The following MAJIN variants were observed in gnomAD, a reference collection of about 807,000 sequenced individuals.
MAJIN encodes membrane-anchored junction protein.
A neutral mutation model predicts 30.2 loss-of-function variants in MAJIN; 27 were observed. The ratio of observed to expected loss-of-function variants is 0.89; its 90% CI spans 0.66 to 1.23. The LOEUF is 1.23. MAJIN is among the 50% of genes most tolerant of loss of function. The pLI, the probability that MAJIN is intolerant of heterozygous loss-of-function variation, is 0.00. For missense variants in MAJIN, 253 were observed against 260.3 expected, an observed-to-expected ratio of 0.97 and a Z score of 0.19; for synonymous variants, 78 against 91.6, an observed-to-expected ratio of 0.85 and a Z score of 0.85.
chr11:64,940,520 C>T, intron 9 of MAJIN, 54 bp downstream of exon 9: 1 of 1,557,274 alleles, frequency 6.4e-7, no homozygotes. Context: ...CAGAGAACTA[C>T]AAGGGAAAGG....
chr11:64,960,040 T>C (rs1429882180), intron 2 of MAJIN, 49 bp downstream of exon 2: 3 of 152,304 alleles, frequency 2.0e-5, no homozygotes, highest in African/African-American at 7.2e-5. Flanking sequence ...CCCCCACTTG[T>C]GAGGCTTCCC....
At chr11:64,967,946 T>C (rs1390383957) in intron 1 of MAJIN, among the ~76,000 whole-genome samples, 1 of 152,180 alleles carries the variant, frequency 6.6e-6, no homozygotes, top group African/African-American at 2.4e-5. Flanking sequence ...CTGCTTTAGC[T>C]AGTATGGCCA....
At chr11:64,940,826 TTTTTCTTTC>T (rs1945363744) in intron 8 of MAJIN, among the ~76,000 whole-genome samples, 180 bp from the exon 9 acceptor site, 2 of 126,518 alleles carry the variant, frequency 1.6e-5, no homozygotes, top group Admixed American at 8.9e-5. Flanking sequence ...TTCTTTTCTT[TTTTTCTTTC>T]TTTTTTTTTT....
intron 6 of MAJIN, among the ~76,000 whole-genome samples, chr11:64,948,602 C>CATAT (rs1554970962): frequency 0.019 from 364 of 19,316 alleles, 3 homozygotes; most frequent in Non-Finnish European, 0.023. Context: ...CGGGCTACAT[C>CATAT]ATATATATAT....
chr11:64,946,064 T>C, intron 8 of MAJIN: 1 of 1,523,504 alleles, frequency 6.6e-7, no homozygotes, highest in East Asian at 2.5e-5. Flanking sequence ...TCCATTTTAG[T>C]ACTAAGGCTC....
At chr11:64,970,361 C>CTTTTTTT (rs1196525730) in intron 1 of MAJIN, among the ~76,000 whole-genome samples, 11 of 66,052 alleles carry the variant, frequency 1.7e-4, no homozygotes, top group South Asian at 5.8e-4. Context: ...AAGACTCCGT[C>CTTTTTTT]TTTTTTTTTT....
chr11:64,964,997 ATGG>A (rs1590707754), intron 1 of MAJIN, among the ~76,000 whole-genome samples: 2 of 152,266 alleles, frequency 1.3e-5, no homozygotes, highest in Non-Finnish European at 2.9e-5. Flanking sequence ...CTCACCTTGC[ATGG>A]TGATTAGGAT....
chr11:64,961,691 T>C (rs1267284611), intron 1 of MAJIN, among the ~76,000 whole-genome samples: 1 of 148,770 alleles, frequency 6.7e-6, no homozygotes, highest in African/African-American at 2.5e-5. Context: ...TTAGCCAGGA[T>C]GGTCTCGATC....
chr11:64,946,422 A>G (rs1945453280), intron 8 of MAJIN, among the ~76,000 whole-genome samples: 4 of 152,240 alleles, frequency 2.6e-5, no homozygotes, highest in Admixed American at 2.6e-4. Flanking sequence ...TTGACTGTGC[A>G]TCAAAACCCA....
At chr11:64,939,890 G>T in intron 9 of MAJIN, 123 bp from the exon 10 acceptor site, 1 of 773,138 alleles carries the variant, frequency 1.3e-6, no homozygotes, top group Non-Finnish European at 2.0e-6. Context: ...TTTAAAGCCA[G>T]ATGAATTGTT....
chr11:64,943,996 C>G (rs1288713231), intron 8 of MAJIN, among the ~76,000 whole-genome samples: 1 of 152,188 alleles, frequency 6.6e-6, no homozygotes, highest in Non-Finnish European at 1.5e-5. Flanking sequence ...TGGACTCTGC[C>G]CCTGCACACA....
At chr11:64,962,992 TG>T (rs1046108351) in intron 1 of MAJIN, among the ~76,000 whole-genome samples, 4 of 152,070 alleles carry the variant, frequency 2.6e-5, no homozygotes, top group African/African-American at 9.6e-5. Context: ...CCGGGCGTGG[TG>T]GGGGGCACCT....
Position 64,947,406 on chromosome 11 carries a change from C to A in MAJIN, c.441G>T (p.Glu147Asp). ...AVMRKRKHMD[E>D]PSSPSRPGLD... ...GCCCTGGCCTGCTGGGGGAGCTGGG[C>A]TCGTCCATGTGTTTTCGTTTCCTCA... Residue 147 changes from glutamate (E) to aspartate (D), a missense_variant, in exon 8 of 11, where the codon GAG (glutamate) becomes GAT (aspartate). Coordinates refer to ENST00000301896, the MANE Select transcript of MAJIN (RefSeq NM_001037225.3). 2 of 1,613,780 alleles carry A rather than the reference C, an allele frequency of 1.2e-6. No individual in the cohort carries two copies. The highest frequency in any genetic ancestry group is 1.7e-6 in the Non-Finnish European group (2 of 1,180,026).
intron 3 of MAJIN, among the ~76,000 whole-genome samples, chr11:64,955,007 C>T (rs973585079): frequency 3.3e-5 from 5 of 152,230 alleles, no homozygotes; most frequent in Non-Finnish European, 7.3e-5. Context: ...ACTTCTCAAC[C>T]TGCCAAGACC....
At chr11:64,953,573 A>T (rs753807745) in intron 4 of MAJIN, among the ~76,000 whole-genome samples, 3 of 152,166 alleles carry the variant, frequency 2.0e-5, no homozygotes, top group Non-Finnish European at 4.4e-5. Flanking sequence ...CTGGTGGATC[A>T]CGAGGTCAAG....
chr11:64,938,857 G>GA (rs1394221439), intron 10 of MAJIN, among the ~76,000 whole-genome samples: 3 of 152,192 alleles, frequency 2.0e-5, no homozygotes, highest in African/African-American at 4.8e-5. Flanking sequence ...GGGGAGAATG[G>GA]AAATGTTTGG....
rs112870784 is a variant in MAJIN, at chr11:64,949,402, G to A, written c.349+341C>T. On this transcript the variant is annotated intron_variant, in intron 6 of 10. Transcript: ENST00000301896. ...AATCATAGAATTCTCTCTAATGGAA[G>A]GGTTTATATAATAGTTATCTTTCAT... Among the ~76,000 whole-genome samples, 209 of 152,186 alleles carry A rather than the reference G, an allele frequency of 1.4e-3. 2 individuals carry two copies. Among genetic ancestry groups the A allele is most frequent in the African/African-American group, 3.5e-3 (145 of 41,514 alleles).
chr11:64,952,457 G>A (rs1174967031), intron 4 of MAJIN, among the ~76,000 whole-genome samples: 1 of 152,112 alleles, frequency 6.6e-6, no homozygotes, highest in Non-Finnish European at 1.5e-5. Flanking sequence ...CAAAGTGCTG[G>A]GATTACAGGC....
intron 4 of MAJIN, among the ~76,000 whole-genome samples, chr11:64,951,870 A>T (rs910243208): frequency 2.6e-5 from 4 of 151,532 alleles, no homozygotes; most frequent in African/African-American, 9.7e-5. Context: ...TTTATTGAGT[A>T]ATTACTATGG....
Sources: gnomAD v4.1 joint callset for allele counts (sites outside exome capture counted in the v4.1 genomes callset) on GRCh38, gnomAD v4.1.1 for gene constraint, MANE v1.5 for transcripts, NCBI Gene and HGNC (gene_info 2026-07-23, HGNC 2026-07-21) for gene names.